IL15: variants seen among roughly 807,000 people sequenced by gnomAD.
The protein encoded by IL15 is interleukin 15.
In IL15, 11 loss-of-function variants were observed where a neutral mutation model predicts 19.6. The observed-to-expected ratio is 0.56, with a 90% CI of 0.35 to 0.93. IL15 has a LOEUF of 0.93. IL15 is among the 40% of genes least tolerant of loss of function. The pLI is 0.01. For synonymous variants in IL15, 58 were observed against 59.6 expected, an observed-to-expected ratio of 0.97 and a Z score of 0.12; for missense variants, 197 against 186.5, an observed-to-expected ratio of 1.06 and a Z score of -0.33.
At chr4:141,712,742 T>G (rs1377740984) in intron 2 of IL15, among the ~76,000 whole-genome samples, 1 of 151,108 alleles carries the variant, frequency 6.6e-6, no homozygotes, top group African/African-American at 2.4e-5. Context: ...GAAACTAAGA[T>G]GTCCAAATCT....
intron 6 of IL15, 94 bp from the exon 7 acceptor site, chr4:141,729,753 A>G (rs1007493452): frequency 2.8e-6 from 2 of 709,864 alleles, no homozygotes; most frequent in Non-Finnish European, 4.8e-6. Context: ...TCTTTATAAA[A>G]TATTTGGATT....
At chr4:141,707,313 T>G (rs886356821) in intron 2 of IL15, among the ~76,000 whole-genome samples, 13 of 152,080 alleles carry the variant, frequency 8.5e-5, no homozygotes, top group Non-Finnish European at 8.8e-5. Flanking sequence ...AATTATTGAT[T>G]GTTTGTCTGT....
intron 3 of IL15, 138 bp downstream of exon 3, chr4:141,719,614 G>T (rs1730007442): frequency 3.1e-6 from 2 of 652,402 alleles, no homozygotes; most frequent in Admixed American, 3.6e-5. Context: ...CATTTGGATT[G>T]TTCTTATTTT....
chr4:141,682,895 T>C (rs962791295), intron 2 of IL15, among the ~76,000 whole-genome samples: 1 of 151,680 alleles, frequency 6.6e-6, no homozygotes, highest in Non-Finnish European at 1.5e-5. Flanking sequence ...GAGTCTGCAG[T>C]GAGCCGAGAT....
intron 2 of IL15, among the ~76,000 whole-genome samples, chr4:141,660,974 G>A (rs1727767351): frequency 6.6e-6 from 1 of 152,248 alleles, no homozygotes; most frequent in African/African-American, 2.4e-5. Flanking sequence ...ATCCTCACCA[G>A]TGCTGATGTT....
chr4:141,718,656 A>G (rs1729973562), intron 2 of IL15: 2 of 152,334 alleles, frequency 1.3e-5, no homozygotes, highest in African/African-American at 4.8e-5. Context: ...AAACATCTGA[A>G]AAGTATAATA....
chr4:141,638,800 A>T (rs1050210706), intron 1 of IL15, among the ~76,000 whole-genome samples: 1 of 152,186 alleles, frequency 6.6e-6, no homozygotes, highest in African/African-American at 2.4e-5. Flanking sequence ...TGCTGGGTAC[A>T]TGTGGATTTT....
chr4:141,691,707 C>T (rs1728917631), intron 2 of IL15, among the ~76,000 whole-genome samples: 1 of 152,174 alleles, frequency 6.6e-6, no homozygotes, highest in African/African-American at 2.4e-5. Context: ...CAGGCTAATG[C>T]AAAGGGTGGG....
intron 1 of IL15, among the ~76,000 whole-genome samples, chr4:141,642,222 G>C (rs912293071): frequency 2.0e-5 from 3 of 152,062 alleles, no homozygotes; most frequent in Non-Finnish European, 2.9e-5. Flanking sequence ...TTTTCCTAAA[G>C]TGGGAGAAGG....
At chr4:141,726,068 A>G (rs1011500654) in intron 5 of IL15, among the ~76,000 whole-genome samples, 1 of 152,100 alleles carries the variant, frequency 6.6e-6, no homozygotes, top group African/African-American at 2.4e-5. Context: ...ACTCTAATCC[A>G]TTCATGAGGG....
intron 2 of IL15, among the ~76,000 whole-genome samples, chr4:141,695,620 T>C (rs1346204464): frequency 6.6e-6 from 1 of 152,066 alleles, no homozygotes; most frequent in African/African-American, 2.4e-5. Flanking sequence ...GATCCTATGG[T>C]AGTTCTGTTT....
At chr4:141,651,604 C>T (rs992933070) in intron 1 of IL15, among the ~76,000 whole-genome samples, 1 of 152,014 alleles carries the variant, frequency 6.6e-6, no homozygotes, top group Middle Eastern at 3.4e-3. Flanking sequence ...TGTTGTGGTC[C>T]CACCACATGG....
At chr4:141,731,408 A>G (rs1730447274) in intron 7 of IL15, among the ~76,000 whole-genome samples, 1 of 152,168 alleles carries the variant, frequency 6.6e-6, no homozygotes, top group Non-Finnish European at 1.5e-5. Flanking sequence ...TATATATTAA[A>G]TACTTTACAT....
chr4:141,646,772 C>T (rs1727240250), intron 1 of IL15, among the ~76,000 whole-genome samples: 1 of 152,008 alleles, frequency 6.6e-6, no homozygotes, highest in Admixed American at 6.6e-5. Flanking sequence ...TTAATATTTT[C>T]ATATAAGGGA....
At chr4:141,650,316 G>T (rs946683708) in intron 1 of IL15, among the ~76,000 whole-genome samples, 2 of 152,088 alleles carry the variant, frequency 1.3e-5, no homozygotes, top group African/African-American at 4.8e-5. Context: ...CAATGATGGT[G>T]TAGGATAGTT....
intron 1 of IL15, among the ~76,000 whole-genome samples, chr4:141,643,127 C>A (rs2152150701): frequency 6.6e-6 from 1 of 152,264 alleles, no homozygotes; most frequent in Admixed American, 6.5e-5. Flanking sequence ...AGAAATTCAT[C>A]ACAGTTAATT....
intron 2 of IL15, among the ~76,000 whole-genome samples, chr4:141,704,161 C>T (rs1729430477): frequency 1.3e-5 from 2 of 152,078 alleles, no homozygotes; most frequent in African/African-American, 2.4e-5. Flanking sequence ...TTCAGCAATT[C>T]CCCCTTCAGT....
intron 2 of IL15, among the ~76,000 whole-genome samples, chr4:141,703,594 G>A (rs114163529): frequency 0.011 from 1,711 of 151,952 alleles, 31 homozygotes; most frequent in African/African-American, 0.039. Context: ...GAATCTCCCC[G>A]TCTCATACTC....
intron 6 of IL15, among the ~76,000 whole-genome samples, chr4:141,729,478 T>G (rs143922225): frequency 5.3e-4 from 80 of 152,276 alleles, no homozygotes; most frequent in African/African-American, 1.8e-3. Context: ...ACAACACAAT[T>G]TGATTCTAAA....
Sources: allele counts gnomAD v4.1 joint callset (sites outside exome capture counted in the v4.1 genomes callset), GRCh38; gene constraint gnomAD v4.1.1; transcripts MANE v1.5; gene names NCBI Gene and HGNC (gene_info 2026-07-23, HGNC 2026-07-21).